PLPPR1: variants seen among roughly 807,000 people sequenced by gnomAD.
PLPPR1 encodes the protein phospholipid phosphatase-related protein type 1.
PLPPR1 carries 10 observed loss-of-function variants against 33.1 expected under a neutral mutation model. That is an observed-to-expected ratio of 0.30 (90% CI 0.19 to 0.51). The LOEUF is 0.51. Among genes scored for constraint, PLPPR1 ranks in the 20% least tolerant of loss-of-function variants. PLPPR1 has a pLI of 0.97. For missense variants in PLPPR1, 304 were observed against 408.1 expected, an observed-to-expected ratio of 0.74 and a Z score of 2.20; for synonymous variants, 151 against 151.0, an observed-to-expected ratio of 1.00 and a Z score of 0.00.
At chr9:101,303,193 A>G (rs1828784880) in intron 4 of PLPPR1, among the ~76,000 whole-genome samples, 1 of 151,868 alleles carries the variant, frequency 6.6e-6, no homozygotes, top group South Asian at 2.1e-4. Context: ...CATGCTGGCC[A>G]GGCTGGTCTC....
intron 4 of PLPPR1, among the ~76,000 whole-genome samples, chr9:101,287,253 G>T (rs1828408044): frequency 6.6e-6 from 1 of 152,154 alleles, no homozygotes; most frequent in Admixed American, 6.5e-5. Flanking sequence ...AAAAGTTTTT[G>T]CAGATTATGC....
chr9:101,041,657 A>G (rs1192016103), intron 1 of PLPPR1, among the ~76,000 whole-genome samples: 1 of 152,162 alleles, frequency 6.6e-6, no homozygotes, highest in East Asian at 1.9e-4. Context: ...AGCCAGAGGC[A>G]GCTCTGTGGA....
At chr9:101,038,976 G>T (rs373885892) in intron 1 of PLPPR1, among the ~76,000 whole-genome samples, 112 of 152,132 alleles carry the variant, frequency 7.4e-4, no homozygotes, top group African/African-American at 2.6e-3. Context: ...TAAACATATT[G>T]GTAGAGATTT....
chr9:101,276,738 A>G lies in PLPPR1; in HGVS notation c.252+6670A>G, dbSNP rs186159621. Among the ~76,000 whole-genome samples, 29 of 152,346 alleles carry G rather than the reference A, an allele frequency of 1.9e-4. 1 individual carries two copies. In the East Asian group the frequency reaches 5.0e-3, roughly 26 times the overall value. On this transcript the variant is annotated intron_variant, in intron 3 of 7. Coordinates refer to ENST00000374874, the MANE Select transcript of PLPPR1 (RefSeq NM_207299.2). ...ATACCGCCCTGGTGCTCTATTTTAT[A>G]TCAAGTGCCACCTAAAGACACCTTC...
chr9:101,148,258 C>T (rs1588047714), intron 1 of PLPPR1, among the ~76,000 whole-genome samples: 1 of 152,268 alleles, frequency 6.6e-6, no homozygotes, highest in South Asian at 2.1e-4. Context: ...GGACTCTGCC[C>T]TCTTTTAAAG....
At chr9:101,154,214 C>G (rs572931755) in intron 1 of PLPPR1, among the ~76,000 whole-genome samples, 22 of 152,080 alleles carry the variant, frequency 1.4e-4, no homozygotes, top group South Asian at 4.2e-4. Flanking sequence ...TCAGGATGAT[C>G]CTGGCCTCAT....
intron 2 of PLPPR1, among the ~76,000 whole-genome samples, chr9:101,206,423 G>C (rs1826589438): frequency 6.6e-6 from 1 of 152,140 alleles, no homozygotes; most frequent in South Asian, 2.1e-4. Context: ...CTGCTGTTTT[G>C]ATCTATTAAC....
chr9:101,244,108 A>G (rs1211547006), intron 2 of PLPPR1, among the ~76,000 whole-genome samples: 1 of 151,986 alleles, frequency 6.6e-6, no homozygotes, highest in Non-Finnish European at 1.5e-5. Context: ...CTGCAGAGAC[A>G]TCAAATAATG....
At chr9:101,299,492 A>C (rs547594215) in intron 4 of PLPPR1, among the ~76,000 whole-genome samples, 1 of 152,286 alleles carries the variant, frequency 6.6e-6, no homozygotes, top group African/African-American at 2.4e-5. Flanking sequence ...GACTGAATCT[A>C]TTCCCCTTTG....
chr9:101,117,594 C>G (rs1831131327), intron 1 of PLPPR1, among the ~76,000 whole-genome samples: 1 of 151,924 alleles, frequency 6.6e-6, no homozygotes, highest in South Asian at 2.1e-4. Context: ...GCCCATGCTG[C>G]TGCTCTGCCT....
intron 1 of PLPPR1, among the ~76,000 whole-genome samples, chr9:101,066,332 G>A (rs556309475): frequency 6.6e-6 from 1 of 152,106 alleles, no homozygotes; most frequent in South Asian, 2.1e-4. Flanking sequence ...ACCTGGCTGA[G>A]ATAGTATGTG....
rs115329861 is a variant in PLPPR1, at chr9:101,241,365, G to A, written c.64-28515G>A. ...TTGGCTTCCCTGGGTCATACTGGGA[G>A]AAGAACAATTTCCTTGGGCCACACA... On this transcript the variant is annotated intron_variant, in intron 2 of 7. Transcript: ENST00000374874. 6.4e-3 allele frequency among the ~76,000 whole-genome samples: 981 copies of A among 152,170 alleles called. 9 individuals carry two copies. The highest frequency in any genetic ancestry group is 0.022 in the African/African-American group (930 of 41,546).
chr9:101,052,424 G>A (rs1485009466), intron 1 of PLPPR1, among the ~76,000 whole-genome samples: 1 of 152,124 alleles, frequency 6.6e-6, no homozygotes, highest in East Asian at 1.9e-4. Flanking sequence ...GCAATGCACA[G>A]GACAGCCCTC....
chr9:101,166,484 A>G (rs1475719040), intron 1 of PLPPR1, among the ~76,000 whole-genome samples: 1 of 152,212 alleles, frequency 6.6e-6, no homozygotes, highest in East Asian at 1.9e-4. Flanking sequence ...CATTAAAGAA[A>G]GACAATTAGT....
intron 2 of PLPPR1, among the ~76,000 whole-genome samples, chr9:101,257,698 T>C (rs192637220): frequency 1.3e-4 from 20 of 152,236 alleles, no homozygotes; most frequent in South Asian, 4.1e-4. Context: ...AGAAAACACA[T>C]TACATGCTCC....
chr9:101,200,638 T>C (rs1444558370), intron 2 of PLPPR1, among the ~76,000 whole-genome samples: 1 of 152,216 alleles, frequency 6.6e-6, no homozygotes, highest in South Asian at 2.1e-4. Context: ...TTATTTTTCA[T>C]GTTGTATGCC....
chr9:101,114,865 A>G (rs147497761), intron 1 of PLPPR1, among the ~76,000 whole-genome samples: 2 of 152,306 alleles, frequency 1.3e-5, no homozygotes, highest in East Asian at 3.9e-4. Context: ...GCTGGTAGAC[A>G]TGCATCTCTA....
At chr9:101,125,859 T>G (rs1376380432) in intron 1 of PLPPR1, 1 of 502,174 alleles carries the variant, frequency 2.0e-6, no homozygotes, top group African/African-American at 2.0e-5. Flanking sequence ...GGAGTAGAGG[T>G]TGAACATTCC....
At chr9:101,219,721 C>G (rs1044615123) in intron 2 of PLPPR1, among the ~76,000 whole-genome samples, 4 of 152,156 alleles carry the variant, frequency 2.6e-5, no homozygotes, top group Admixed American at 2.0e-4. Context: ...CCCACCTGGA[C>G]AGTATTTATC....
Sources: gnomAD v4.1 joint callset for allele counts (sites outside exome capture counted in the v4.1 genomes callset) on GRCh38, gnomAD v4.1.1 for gene constraint, MANE v1.5 for transcripts, NCBI Gene and HGNC (gene_info 2026-07-23, HGNC 2026-07-21) for gene names.